The following BCL2L13 variants were observed in gnomAD, a reference collection of about 807,000 sequenced individuals.
The protein encoded by BCL2L13 is bcl-2-like protein 13.
BCL2L13 carries 13 observed loss-of-function variants against 25.8 expected under a neutral mutation model. The ratio of observed to expected loss-of-function variants is 0.50; its 90% CI spans 0.33 to 0.80. The LOEUF (loss-of-function observed/expected upper bound fraction) is 0.80. BCL2L13 is among the 30% of genes least tolerant of loss of function. The probability of loss-of-function intolerance (pLI) is 0.02; values close to 1 mark genes in which losing one functional copy is unlikely to be tolerated. For missense variants in BCL2L13, 504 were observed against 574.9 expected (o/e 0.88, Z 1.26); for synonymous variants, 244 against 230.3 (o/e 1.06, Z -0.54).
chr22:17,686,648 T>C (rs1053449094), intron 3 of BCL2L13, among the ~76,000 whole-genome samples: 6 of 151,774 alleles, frequency 4.0e-5, no homozygotes, highest in African/African-American at 1.4e-4. Context: ...GTAGCTGGGA[T>C]TATAGGCGCC....
At chr22:17,697,938 C>T (rs2060312876) in intron 5 of BCL2L13, among the ~76,000 whole-genome samples, 1 of 152,110 alleles carries the variant, frequency 6.6e-6, no homozygotes, top group Non-Finnish European at 1.5e-5. Flanking sequence ...AAGCGATTCT[C>T]CCAAATAGCT....
Position 17,655,886 on chromosome 22 carries a change from A to G in BCL2L13, c.121+54A>G, listed in dbSNP as rs2058837953. 2.7e-6 allele frequency: 4 copies of G among 1,481,804 alleles called. No individual in the cohort carries two copies. The East Asian group carries it at 7.1e-5, about 26-fold the overall frequency. 91.8% of individuals were successfully genotyped at this position (1,481,804 alleles called of 1,614,324 possible). On this transcript the variant is annotated intron_variant, in intron 2 of 6. Transcript: ENST00000317582. ...GTAAATTGTAATAAGGACTTTATATATAAAAGTATATGTATCTAATTTATA... is the reference window on the plus strand; with the variant it reads ...GTAAATTGTAATAAGGACTTTATATGTAAAAGTATATGTATCTAATTTATA...
intron 3 of BCL2L13, among the ~76,000 whole-genome samples, chr22:17,684,953 C>T (rs188024405): frequency 8.5e-5 from 13 of 152,152 alleles, no homozygotes; most frequent in Non-Finnish European, 1.5e-4. Context: ...AGGATGGTCT[C>T]GTTGATCTCC....
upstream of BCL2L13, among the ~76,000 whole-genome samples, chr22:17,635,858 C>T (rs559709846): frequency 6.3e-4 from 86 of 136,970 alleles, no homozygotes; most frequent in African/African-American, 2.0e-3. Flanking sequence ...TGAAGGTGCG[C>T]GCCACCATGC....
At chr22:17,642,100 A>G (rs969023996) in intron 1 of BCL2L13, among the ~76,000 whole-genome samples, 1 of 141,970 alleles carries the variant, frequency 7.0e-6, no homozygotes, top group East Asian at 2.1e-4. Flanking sequence ...CGCCTGACCA[A>G]TATGTGGTCT....
intron 5 of BCL2L13, among the ~76,000 whole-genome samples, chr22:17,700,117 C>T (rs1012929638): frequency 4.6e-5 from 7 of 151,992 alleles, no homozygotes; most frequent in African/African-American, 1.7e-4. Context: ...AATGACATTT[C>T]TGCTCTGTGG....
chr22:17,721,525 A>ATAT lies in BCL2L13; in HGVS notation c.601-5151_601-5150insATT, dbSNP rs1555897789. ...TTTTAAGTCATGACACTTATAAGAAATTTTTTTTTTTTTTTTTTGAGACGT... is the reference window on the plus strand; with the variant it reads ...TTTTAAGTCATGACACTTATAAGAAATATTTTTTTTTTTTTTTTTTTGAGACGT... On this transcript the variant is annotated intron_variant, in intron 6 of 6. Transcript: ENST00000317582. 8.1e-5 allele frequency among the ~76,000 whole-genome samples: 10 copies of ATAT among 122,780 alleles called. No individual in the cohort carries two copies. In the Admixed American group the frequency reaches 9.3e-4, roughly 11 times the overall value. 80.5% of individuals were successfully genotyped at this position (122,780 alleles called of 152,430 possible). A position where few individuals can be genotyped will look rare whatever the true frequency, so the allele number is the denominator to read the frequency against.
rs1051002991 is a variant in BCL2L13, at chr22:17,689,083, A to G, written c.327A>G (p.Glu109=). 2.5e-6 allele frequency: 4 copies of G among 1,614,182 alleles called. No individual in the cohort carries two copies. The highest frequency in any genetic ancestry group is 3.4e-6 in the Non-Finnish European group (4 of 1,180,022). Residue 109 remains glutamate, a synonymous_variant, in exon 4 of 7, where the codon GAA becomes GAG. Coordinates refer to ENST00000317582, the MANE Select transcript of BCL2L13 (RefSeq NM_015367.4). ...SMEDCLAHLG[E]KVSQELKEPL... ...AAGACTGCTTGGCCCATCTTGGAGA[A>G]AAAGTGTCCCAGGAACTGAAAGAGC...
intron 2 of BCL2L13, among the ~76,000 whole-genome samples, chr22:17,663,912 G>A (rs1466092291): frequency 4.6e-5 from 7 of 151,578 alleles, no homozygotes; most frequent in African/African-American, 1.5e-4. Flanking sequence ...GCAGTGGCAC[G>A]ATCTTGGCTC....
At chr22:17,723,931 C>CAAA (rs35516339) in intron 6 of BCL2L13, among the ~76,000 whole-genome samples, 27 of 133,122 alleles carry the variant, frequency 2.0e-4, no homozygotes, top group Admixed American at 5.4e-4. Context: ...GACTCCGTCT[C>CAAA]AAAAAAAAAA....
chr22:17,631,664 GTGTGTGTATATATA>G (rs1308406108), intron 1 of BCL2L13, among the ~76,000 whole-genome samples: 374 of 26,872 alleles, frequency 0.014, 20 homozygotes, highest in African/African-American at 0.046. Flanking sequence ...ATGTATGTGT[GTGTGTGTATATATA>G]TATATATATA....
intron 1 of BCL2L13, 125 bp from the exon 2 acceptor site, chr22:17,655,537 C>A: frequency 3.1e-6 from 2 of 643,886 alleles, no homozygotes; most frequent in Admixed American, 3.9e-5. Context: ...CCACTGCACT[C>A]CTGCCTGAGC....
At chr22:17,726,110 G>A (rs73378797) in intron 6 of BCL2L13, among the ~76,000 whole-genome samples, 8,061 of 152,040 alleles carry the variant, frequency 0.053, 359 homozygotes, top group African/African-American at 0.12. Context: ...AGCACTTTTG[G>A]GAGGCCAAGG....
intron 2 of BCL2L13, among the ~76,000 whole-genome samples, chr22:17,661,927 G>A (rs2146550456): frequency 6.6e-6 from 1 of 151,398 alleles, no homozygotes; most frequent in Middle Eastern, 3.4e-3. Flanking sequence ...GGAGGTGGAG[G>A]TTGTGGTGAG....
chr22:17,671,828 C>G (rs1241223018), intron 2 of BCL2L13, among the ~76,000 whole-genome samples: 2 of 152,178 alleles, frequency 1.3e-5, no homozygotes, highest in African/African-American at 4.8e-5. Flanking sequence ...ATTCTCATGC[C>G]TCAGCCTCCT....
intron 5 of BCL2L13, 150 bp downstream of exon 5, chr22:17,696,360 G>T (rs2060264254): frequency 1.4e-6 from 1 of 701,270 alleles, no homozygotes; most frequent in Admixed American, 2.3e-5. Flanking sequence ...GGTTAAACTG[G>T]TTTTTCGATT....
chr22:17,641,111 C>T (rs12167917), intron 1 of BCL2L13, among the ~76,000 whole-genome samples: 12 of 151,906 alleles, frequency 7.9e-5, no homozygotes, highest in African/African-American at 1.2e-4. Context: ...AGGATGGTCT[C>T]GATCTCCTGA....
intron 3 of BCL2L13, chr22:17,684,558 TGTG>T (rs546831950): frequency 8.8e-6 from 4 of 453,054 alleles, no homozygotes; most frequent in Non-Finnish European, 1.3e-5. Context: ...TAGTTCACTA[TGTG>T]GTGGTGGTGG....
At chr22:17,672,446 T>G (rs2059445554) in intron 2 of BCL2L13, among the ~76,000 whole-genome samples, 1 of 152,240 alleles carries the variant, frequency 6.6e-6, no homozygotes, top group South Asian at 2.1e-4. Flanking sequence ...CTCACTTGAC[T>G]TCATTTGAAA....
Sources: gnomAD v4.1 joint callset for allele counts (sites outside exome capture counted in the v4.1 genomes callset) on GRCh38, gnomAD v4.1.1 for gene constraint, MANE v1.5 for transcripts, NCBI Gene and HGNC (gene_info 2026-07-23, HGNC 2026-07-21) for gene names.